NF1: variants seen among roughly 807,000 people sequenced by gnomAD.
The protein encoded by NF1 is neurofibromin.
Under a neutral mutation model 325.7 loss-of-function variants are expected in NF1, and 122 were observed. The observed-to-expected ratio is 0.37, with a 90% CI of 0.32 to 0.44. NF1 has a LOEUF of 0.44. NF1 is among the 20% of genes least tolerant of loss of function. The pLI is 1.00. For missense variants in NF1, 2,140 were observed against 3,415.4 expected, an observed-to-expected ratio of 0.63 and a Z score of 9.31; for synonymous variants, 1,091 against 1,186.0, an observed-to-expected ratio of 0.92 and a Z score of 1.65.
intron 38 of NF1, 63 bp downstream of exon 38, chr17:31,327,902 T>G (rs978694656): frequency 1.4e-6 from 2 of 1,457,370 alleles, no homozygotes; most frequent in African/African-American, 1.4e-5. Context: ...ATGAGACCAT[T>G]TAATGAATTT....
chr17:31,097,774 G>T (rs918204244), intron 1 of NF1, among the ~76,000 whole-genome samples: 2 of 151,712 alleles, frequency 1.3e-5, no homozygotes, highest in African/African-American at 2.4e-5. Context: ...TCGGTTCATT[G>T]CAACCCCTGC....
rs759048037 is a variant in NF1 at position 31,201,169 on chromosome 17, T to C, written c.1185+10T>C. On this transcript the variant is annotated intron_variant, in intron 10 of 57. Coordinates refer to ENST00000358273, the MANE Select transcript of NF1 (RefSeq NM_001042492.3). ...CAACCAACACTTTAAGGTGAGAGCA[T>C]TGGTTTTTATCTAACTATATTTACT... 11 of 1,613,940 alleles carry C rather than the reference T, an allele frequency of 6.8e-6. 1 individual carries two copies. The African/African-American group carries it at 9.3e-5, about 14-fold the overall frequency.
At chr17:31,267,978 A>G (rs1362481403) in intron 36 of NF1, among the ~76,000 whole-genome samples, 1 of 152,074 alleles carries the variant, frequency 6.6e-6, no homozygotes, top group Admixed American at 6.5e-5. Context: ...AGTCATTTGT[A>G]TTTTCTCAAG....
intron 3 of NF1, among the ~76,000 whole-genome samples, chr17:31,161,436 T>C (rs1050273957): frequency 6.6e-5 from 10 of 152,250 alleles, no homozygotes; most frequent in African/African-American, 2.4e-4. Flanking sequence ...ATTTTTGTTC[T>C]TTGCCATCTT....
At chr17:31,318,519 A>G in intron 36 of NF1, 1 of 1,614,090 alleles carries the variant, frequency 6.2e-7, no homozygotes, top group Middle Eastern at 1.6e-4. Context: ...ATCGTCTGAG[A>G]GAAGAGACTT....
At chr17:31,214,660 T>TGAG in intron 13 of NF1, 75 bp downstream of exon 13, 1 of 1,464,710 alleles carries the variant, frequency 6.8e-7, no homozygotes, top group Non-Finnish European at 9.5e-7. Flanking sequence ...GCCAAGACCT[T>TGAG]GAGGATAATT....
At chr17:31,226,356 C>CAG in intron 17 of NF1, 79 bp from the exon 18 acceptor site, 1 of 1,540,398 alleles carries the variant, frequency 6.5e-7, no homozygotes, top group Non-Finnish European at 8.8e-7. Flanking sequence ...CACACACACA[C>CAG]ACAGTTTATT....
chr17:31,364,897 C>A (rs958376211), intron 57 of NF1, among the ~76,000 whole-genome samples: 3 of 152,064 alleles, frequency 2.0e-5, no homozygotes, highest in Non-Finnish European at 4.4e-5. Context: ...GAAGAGAATC[C>A]ATTTACTTTA....
intron 36 of NF1, chr17:31,318,334 GTTCC>G: frequency 6.2e-7 from 1 of 1,609,928 alleles, no homozygotes; most frequent in South Asian, 1.1e-5. Flanking sequence ...AAGTTTTTCA[GTTCC>G]TTCTTCATCT....
In NF1 at chr17:31,125,154, G is replaced by A. The variant is rs566496058; in HGVS notation, c.60+29785G>A. ...TTTTCTTTATGTCTCCATGAACAAT[G>A]TATTGCTTTGTTTACTTATTTTGAT... On this transcript the variant is annotated intron_variant, in intron 1 of 57. Coordinates refer to ENST00000358273, the MANE Select transcript of NF1 (RefSeq NM_001042492.3). 7.9e-5 allele frequency among the ~76,000 whole-genome samples: 12 copies of A among 152,052 alleles called. 1 individual carries two copies. The South Asian group carries it at 2.5e-3, about 32-fold the overall frequency.
chr17:31,096,863 C>T (rs1364256222), intron 1 of NF1, among the ~76,000 whole-genome samples: 3 of 152,176 alleles, frequency 2.0e-5, no homozygotes, highest in African/African-American at 7.2e-5. Context: ...ACTAATCCAT[C>T]TGAAGTATAA....
intron 1 of NF1, chr17:31,136,568 C>G (rs1268656102): frequency 6.6e-6 from 1 of 152,116 alleles, no homozygotes; most frequent in African/African-American, 2.4e-5. Context: ...CAAATCATCC[C>G]TTTGTCCAGT....
At chr17:31,160,524 ATGCTAT>A (rs1230398048) in intron 3 of NF1, among the ~76,000 whole-genome samples, 7 of 152,228 alleles carry the variant, frequency 4.6e-5, no homozygotes, top group Admixed American at 3.3e-4. Flanking sequence ...AACTTGTGAT[ATGCTAT>A]TGTTCATGTG....
chr17:31,104,438 G>T (rs1424339086), intron 1 of NF1, among the ~76,000 whole-genome samples: 2 of 152,194 alleles, frequency 1.3e-5, no homozygotes, highest in Non-Finnish European at 2.9e-5. Context: ...AGTGGAAGGG[G>T]AGATTTGTGG....
At chr17:31,182,855 A>G (rs542572363) in intron 8 of NF1, 190 bp downstream of exon 8, 1 of 622,156 alleles carries the variant, frequency 1.6e-6, no homozygotes, top group South Asian at 2.0e-5. Context: ...TGGCAGAGGG[A>G]AAATAATACC....
intron 51 of NF1, 69 bp from the exon 52 acceptor site, chr17:31,356,390 CT>C: frequency 6.6e-7 from 1 of 1,519,572 alleles, no homozygotes; most frequent in African/African-American, 1.4e-5. Context: ...CAAACATTTT[CT>C]TTTTAGTGTA....
At chr17:31,300,091 AT>A (rs2068543907) in intron 36 of NF1, among the ~76,000 whole-genome samples, 1 of 152,062 alleles carries the variant, frequency 6.6e-6, no homozygotes. Flanking sequence ...CTAAAAGTGT[AT>A]AGTAAATTCT....
chr17:31,167,578 T>G (rs2143695601), intron 4 of NF1, among the ~76,000 whole-genome samples: 1 of 152,326 alleles, frequency 6.6e-6, no homozygotes, highest in Admixed American at 6.5e-5. Flanking sequence ...TTTATAAAAG[T>G]TTACAATTTA....
chr17:31,289,981 G>A (rs967677529), intron 36 of NF1, among the ~76,000 whole-genome samples: 2 of 151,428 alleles, frequency 1.3e-5, no homozygotes, highest in Non-Finnish European at 2.9e-5. Context: ...TCTCAATTAC[G>A]TGGTTGGCCA....
Sources: gnomAD v4.1 joint callset for allele counts (sites outside exome capture counted in the v4.1 genomes callset) on GRCh38, gnomAD v4.1.1 for gene constraint, MANE v1.5 for transcripts, NCBI Gene and HGNC (gene_info 2026-07-23, HGNC 2026-07-21) for gene names.